Variants in ANKS4B observed in about 807,000 individuals in gnomAD.
The protein encoded by ANKS4B is ankyrin repeat and SAM domain-containing protein 4B.
In ANKS4B, 21 loss-of-function variants were observed where a neutral mutation model predicts 20.2. The ratio of observed to expected loss-of-function variants is 1.04; its 90% confidence interval spans 0.74 to 1.50. The LOEUF is 1.50. ANKS4B is among the 40% of genes most tolerant of loss of function. ANKS4B has a pLI of 0.00. For synonymous variants in ANKS4B, 179 were observed against 194.5 expected, an observed-to-expected ratio of 0.92 and a Z score of 0.66; for missense variants, 473 against 494.6, an observed-to-expected ratio of 0.96 and a Z score of 0.41.
At position 21,250,956 on chromosome 16, in the gene ANKS4B, G is replaced by T; in HGVS notation, c.*136G>T. On this transcript the variant is annotated 3_prime_UTR_variant, in exon 2 of 2. Transcript: ENST00000311620. ...ATCGGAAATGCCTACCTGAGAGAGA[G>T]ACCCAAACTTTACTCTGGGAGGTAG... 7.8e-7 allele frequency: 1 copy of T among 1,277,630 alleles called. No individual in the cohort carries two copies. Among genetic ancestry groups the T allele is most frequent in the Non-Finnish European group, 1.1e-6 (1 of 943,916 alleles). 79.1% of individuals were successfully genotyped at this position (1,277,630 alleles called of 1,614,324 possible). A position where few individuals can be genotyped will look rare whatever the true frequency, so the allele number is the denominator to read the frequency against.
At chr16:21,240,089 C>T (rs2093324601) in intron 1 of ANKS4B, among the ~76,000 whole-genome samples, 1 of 152,102 alleles carries the variant, frequency 6.6e-6, no homozygotes, top group South Asian at 2.1e-4. Context: ...CTATAGCAAC[C>T]ATTTATATTA....
At chr16:21,237,782 C>T (rs961888829) in intron 1 of ANKS4B, among the ~76,000 whole-genome samples, 2 of 152,138 alleles carry the variant, frequency 1.3e-5, no homozygotes, top group Admixed American at 6.5e-5. Context: ...AGCATATGTG[C>T]AATTTAAATA....
Position 21,250,841 on chromosome 16 carries a change from CATTGGGGTG to C in ANKS4B, c.*24_*32del. ...TGTGATGGAGAGTTTTGGCCTGGAGCATTGGGGTGATGCTGTGGCCCGCTGGCAGCACTC... is the reference window on the plus strand; with the variant it reads ...TGTGATGGAGAGTTTTGGCCTGGAGCATGCTGTGGCCCGCTGGCAGCACTC... On this transcript the variant is annotated 3_prime_UTR_variant, in exon 2 of 2. Transcript: ENST00000311620. 9 of 1,566,922 alleles carry C rather than the reference CATTGGGGTG, an allele frequency of 5.7e-6. No individual in the cohort carries two copies. Among genetic ancestry groups the C allele is most frequent in the Non-Finnish European group, 7.8e-6 (9 of 1,152,140 alleles).
At chr16:21,242,056 T>TA (rs1290324560) in intron 1 of ANKS4B, among the ~76,000 whole-genome samples, 2 of 152,110 alleles carry the variant, frequency 1.3e-5, no homozygotes, top group African/African-American at 2.4e-5. Flanking sequence ...AACTAATTTT[T>TA]AAAAAAACTA....
intron 1 of ANKS4B, among the ~76,000 whole-genome samples, chr16:21,235,247 T>C (rs764834500): frequency 6.6e-5 from 10 of 152,118 alleles, no homozygotes; most frequent in Non-Finnish European, 1.2e-4. Context: ...GGGAAAGCAT[T>C]TAAGCTGGGA....
In ANKS4B at chr16:21,251,239, AGAC is replaced by A; in HGVS notation, c.*420_*422del. 4 of 162,632 alleles carry A rather than the reference AGAC, an allele frequency of 2.5e-5. No homozygotes were observed. Among genetic ancestry groups the A allele is most frequent in the Admixed American group, 5.7e-5 (1 of 17,650 alleles). The allele number at this position is 162,632 out of a possible 1,614,324, so 10.1% of individuals were successfully genotyped here. On this transcript the variant is annotated 3_prime_UTR_variant, in exon 2 of 2. Coordinates refer to ENST00000311620, the MANE Select transcript of ANKS4B (RefSeq NM_145865.3). ...CCCACCTCAGCCTCCCAAGTAGCTG[AGAC>A]TACAGGTTCACACCCCCCACACCTG...
chr16:21,243,634 T>G (rs563574430), intron 1 of ANKS4B, among the ~76,000 whole-genome samples: 3 of 152,102 alleles, frequency 2.0e-5, no homozygotes, highest in Admixed American at 6.6e-5. Flanking sequence ...TGCAGTGGTG[T>G]GATCTCAGCT....
chr16:21,248,651 A>G (rs533502370), intron 1 of ANKS4B, among the ~76,000 whole-genome samples: 5 of 151,910 alleles, frequency 3.3e-5, no homozygotes, highest in African/African-American at 1.2e-4. Context: ...AATCGCTTGA[A>G]CCTGGGAGGT....
chr16:21,237,856 T>C (rs1241604019), intron 1 of ANKS4B, among the ~76,000 whole-genome samples: 1 of 152,106 alleles, frequency 6.6e-6, no homozygotes, highest in East Asian at 1.9e-4. Context: ...TTGGCCAACA[T>C]GATAGGTCCA....
chr16:21,234,209 A>T (rs2093317349), intron 1 of ANKS4B, among the ~76,000 whole-genome samples: 1 of 152,066 alleles, frequency 6.6e-6, no homozygotes, highest in Non-Finnish European at 1.5e-5. Context: ...TTTTCATGAA[A>T]TTTAAATAGT....
chr16:21,253,402 C>T lies in ANKS4B; in HGVS notation c.*2582C>T, dbSNP rs1379620722. On this transcript the variant is annotated 3_prime_UTR_variant, in exon 2 of 2. Transcript: ENST00000311620. Reference sequence around the variant, plus strand: ...TTAGGGGATGATTGTTTACAAATACCTTATCTTGTGGAATAAACTGAAGTT... The same window carrying T: ...TTAGGGGATGATTGTTTACAAATACTTTATCTTGTGGAATAAACTGAAGTT... 1 of 152,152 alleles carries T rather than the reference C, an allele frequency of 6.6e-6. No homozygotes were observed. Among genetic ancestry groups the T allele is most frequent in the African/African-American group, 2.4e-5 (1 of 41,438 alleles). 9.4% of individuals were successfully genotyped at this position (152,152 alleles called of 1,614,324 possible).
intron 1 of ANKS4B, among the ~76,000 whole-genome samples, chr16:21,234,612 C>T (rs1451187391): frequency 2.6e-5 from 4 of 151,616 alleles, no homozygotes; most frequent in African/African-American, 9.7e-5. Flanking sequence ...TGTTGGCAAC[C>T]GTAACCCAAG....
intron 1 of ANKS4B, among the ~76,000 whole-genome samples, chr16:21,242,934 C>G (rs2093328136): frequency 1.3e-5 from 2 of 152,150 alleles, no homozygotes; most frequent in Non-Finnish European, 2.9e-5. Flanking sequence ...TCTGCTTCTT[C>G]CAGCAGTATT....
chr16:21,248,390 T>C (rs1476882013), intron 1 of ANKS4B, among the ~76,000 whole-genome samples: 2 of 150,070 alleles, frequency 1.3e-5, no homozygotes, highest in Non-Finnish European at 3.0e-5. Flanking sequence ...GGTGCAATCA[T>C]AGGTTACTGT....
At chr16:21,242,280 G>C (rs1380153574) in intron 1 of ANKS4B, among the ~76,000 whole-genome samples, 1 of 152,080 alleles carries the variant, frequency 6.6e-6, no homozygotes, top group East Asian at 1.9e-4. Context: ...TCCGCCTCCC[G>C]GATTCAAGCA....
chr16:21,251,675 C>A lies in ANKS4B; in HGVS notation c.*855C>A, dbSNP rs117548295. ...CATCTAACCCTTTAACAAATGTGTA[C>A]ATGTTTACAAGTAATGGAAATGCGT... On this transcript the variant is annotated 3_prime_UTR_variant, in exon 2 of 2. Coordinates refer to ENST00000311620, the MANE Select transcript of ANKS4B (RefSeq NM_145865.3). 3,189 of 152,228 alleles carry A rather than the reference C, an allele frequency of 0.021. 57 individuals carry two copies. The highest frequency in any genetic ancestry group is 0.028 in the Non-Finnish European group (1,888 of 68,028). The allele number at this position is 152,228 out of a possible 1,614,324, so 9.4% of individuals were successfully genotyped here.
intron 1 of ANKS4B, among the ~76,000 whole-genome samples, chr16:21,234,614 T>C (rs2093318053): frequency 6.6e-6 from 1 of 151,944 alleles, no homozygotes. Context: ...TTGGCAACCG[T>C]AACCCAAGAG....
At chr16:21,238,942 T>C (rs1319969093) in intron 1 of ANKS4B, 1 of 152,070 alleles carries the variant, frequency 6.6e-6, no homozygotes, top group Non-Finnish European at 1.5e-5. Flanking sequence ...AGGCCTGATG[T>C]AGGCTAAAAA....
chr16:21,238,955 A>G (rs1393567407), intron 1 of ANKS4B: 2 of 152,212 alleles, frequency 1.3e-5, no homozygotes, highest in African/African-American at 4.8e-5. Context: ...GCTAAAAAAA[A>G]GAACAGAAGT....
Sources: gnomAD v4.1 joint callset for allele counts (sites outside exome capture counted in the v4.1 genomes callset) on GRCh38, gnomAD v4.1.1 for gene constraint, MANE v1.5 for transcripts, NCBI Gene and HGNC (gene_info 2026-07-23, HGNC 2026-07-21) for gene names.